Variants in ITGA10 observed in about 807,000 individuals in gnomAD.
ITGA10 encodes integrin subunit alpha 10.
Under a neutral mutation model 145.2 loss-of-function variants are expected in ITGA10, and 105 were observed. The observed-to-expected ratio is 0.72, with a 90% CI of 0.62 to 0.85. The LOEUF (loss-of-function observed/expected upper bound fraction) is 0.85. Among genes scored for constraint, ITGA10 ranks in the 40% least tolerant of loss-of-function variants. ITGA10 has a pLI of 0.00. For synonymous variants in ITGA10, 506 were observed against 557.8 expected, an observed-to-expected ratio of 0.91 and a Z score of 1.31; for missense variants, 1,317 against 1,444.5, an observed-to-expected ratio of 0.91 and a Z score of 1.43.
intron 6 of ITGA10, 91 bp downstream of exon 6, chr1:145,904,593 T>C: frequency 7.1e-7 from 1 of 1,408,038 alleles, no homozygotes; most frequent in South Asian, 1.2e-5. Flanking sequence ...CAGGCTAGTC[T>C]TGAACTCCTG....
In ITGA10 at chr1:145,896,107, G is replaced by A; in HGVS notation, c.2920-11C>T. On this transcript the variant is annotated splice_polypyrimidine_tract_variant and intron_variant, in intron 24 of 29. Transcript: ENST00000369304. Reference sequence around the variant, plus strand: ...GCCTAGGTTCTGAACCTAAGAGGAAGGTTGGGAATAGGAAGAAGTGGGAGA... The same window carrying A: ...GCCTAGGTTCTGAACCTAAGAGGAAAGTTGGGAATAGGAAGAAGTGGGAGA... The A allele has an allele frequency of 6.2e-7, 1 of 1,609,704 alleles. No homozygotes were observed. Among genetic ancestry groups the A allele is most frequent in the Non-Finnish European group, 8.5e-7 (1 of 1,175,934 alleles).
chr1:145,904,232 T>C (rs1338383920), intron 6 of ITGA10, 32 bp from the exon 7 acceptor site: 1 of 1,609,310 alleles, frequency 6.2e-7, no homozygotes, highest in Non-Finnish European at 8.5e-7. Context: ...ATGAAATGTA[T>C]GTATGTGAGA....
chr1:145,900,278 TA>T (rs1656091236), intron 14 of ITGA10, 91 bp from the exon 15 acceptor site: 2 of 1,370,962 alleles, frequency 1.5e-6, no homozygotes, highest in East Asian at 4.9e-5. Flanking sequence ...TTTATTTATT[TA>T]TTTTTGAGAT....
In ITGA10 at chr1:145,907,759, C is replaced by CTTTTTTTT. The variant is rs72047208; in HGVS notation, c.53-302_53-295dup. 12 of 68,448 alleles carry CTTTTTTTT rather than the reference C, an allele frequency of 1.8e-4. 3 individuals carry two copies. Among genetic ancestry groups the CTTTTTTTT allele is most frequent in the Non-Finnish European group, 2.6e-4 (10 of 38,984 alleles). 4.2% of individuals were successfully genotyped at this position (68,448 alleles called of 1,614,324 possible). A position where few individuals can be genotyped will look rare whatever the true frequency, so the allele number is the denominator to read the frequency against. On this transcript the variant is annotated intron_variant, in intron 1 of 29. Transcript: ENST00000369304. ...AGACATGTCTGAAAAGGTCAAGTTACTTTTTTTTTTTTTTTTTTTTTTTTT... is the reference window on the plus strand; with the variant it reads ...AGACATGTCTGAAAAGGTCAAGTTACTTTTTTTTTTTTTTTTTTTTTTTTTTTTTTTTT...
At position 145,901,861 on chromosome 1, in the gene ITGA10, ACT is replaced by A; in HGVS notation, c.1294+14_1294+15del. On this transcript the variant is annotated intron_variant, in intron 11 of 29. Transcript: ENST00000369304. This position sits in a 1 kb window ranked among gnomAD's most constrained non-coding sequence, Gnocchi z 4.3. ...TCCCCTACCCTGTAAGTCCTCTGCAACTCTCTGCTGCTCACCCAGGTAGGCTG... is the reference window on the plus strand; with the variant it reads ...TCCCCTACCCTGTAAGTCCTCTGCAACTCTGCTGCTCACCCAGGTAGGCTG... 1 of 1,613,654 alleles carries A rather than the reference ACT, an allele frequency of 6.2e-7. No individual in the cohort carries two copies. Among genetic ancestry groups the A allele is most frequent in the South Asian group, 1.1e-5 (1 of 91,056 alleles).
rs781869639 is a variant in ITGA10, at chr1:145,895,270, A to G, written c.3228+10T>C. 1.8e-5 allele frequency: 29 copies of G among 1,594,528 alleles called. No individual in the cohort carries two copies. The highest frequency in any genetic ancestry group is 2.4e-5 in the Non-Finnish European group (28 of 1,162,894). On this transcript the variant is annotated intron_variant, in intron 27 of 29. Transcript: ENST00000369304. ...CAGAAGTGGGGAGTACTAGAAAAGG[A>G]AAGGCTTACTCTTCGGAAAAATTCA...
Position 145,901,030 on chromosome 1 carries a change from C to G in ITGA10, c.1588-37G>C, listed in dbSNP as rs781824232. Reference sequence around the variant, plus strand: ...GAGAAGATAGAAGATGCTAATCTGGCAGACCCAACCTCTCAGCAAACCCTC... The same window carrying G: ...GAGAAGATAGAAGATGCTAATCTGGGAGACCCAACCTCTCAGCAAACCCTC... On this transcript the variant is annotated intron_variant, in intron 13 of 29. Coordinates refer to ENST00000369304, the MANE Select transcript of ITGA10 (RefSeq NM_003637.5). The surrounding 1 kb of genome is among the most constrained non-coding windows in gnomAD (Gnocchi z 4.3). 3.1e-6 allele frequency: 5 copies of G among 1,613,324 alleles called. No individual in the cohort carries two copies. In the South Asian group the frequency reaches 5.5e-5, roughly 18 times the overall value.
intron 5 of ITGA10, among the ~76,000 whole-genome samples, chr1:145,905,284 A>ATT (rs1167452480): frequency 1.0e-4 from 15 of 145,528 alleles, no homozygotes; most frequent in African/African-American, 3.7e-4. Context: ...GGTAGAGAAC[A>ATT]TTTTTTTTTT....
chr1:145,897,266 A>G lies in ITGA10; in HGVS notation c.2648T>C (p.Val883Ala), dbSNP rs781959092. ...HARLCSVGHPVFQTGAKVTFL... is the reference protein window; with the variant it reads ...HARLCSVGHPAFQTGAKVTFL... ...ACCCACCTTGGCTCCAGTCTGGAAG[A>G]CAGGATGCCCCACACTGCAGAGCCG... Residue 883 changes from valine to alanine, a missense_variant, in exon 21 of 30, where the codon GTC (valine) becomes GCC (alanine). Physicochemically the swap from Val to Ala is moderately conservative, Grantham distance 64 (BLOSUM62 0). Coordinates refer to ENST00000369304, the MANE Select transcript of ITGA10 (RefSeq NM_003637.5). 1 of 1,614,062 alleles carries G rather than the reference A, an allele frequency of 6.2e-7. No homozygotes were observed. The highest frequency in any genetic ancestry group is 8.5e-7 in the Non-Finnish European group (1 of 1,180,004).
intron 29 of ITGA10, 112 bp downstream of exon 29, chr1:145,893,049 C>T (rs1654912273): frequency 1.1e-6 from 1 of 928,972 alleles, no homozygotes; most frequent in Non-Finnish European, 1.8e-6. Flanking sequence ...CTGGGCATGA[C>T]ATCCACAGCC....
At chr1:145,899,480 A>T (rs1218716565) in intron 15 of ITGA10, 139 bp from the exon 16 acceptor site, 5 of 908,902 alleles carry the variant, frequency 5.5e-6, no homozygotes, top group Non-Finnish European at 8.5e-6. Flanking sequence ...GAACCCTCTG[A>T]CAGAAGTAAG....
rs782504488 is a variant in ITGA10, at chr1:145,899,291, GCCTGTGGGGTCACCT to G, written c.1958_1972del (p.Glu653_Gln657del). ...ACAGTCCCTCTGAACCACACTGATG[GCCTGTGGGGTCACCT>G]CCAGTGATGGGGTCAGATGGACAAT... On this transcript the variant is annotated inframe_deletion, in exon 16 of 30. Transcript: ENST00000369304. The G allele has an allele frequency of 1.2e-6, 2 of 1,614,214 alleles. No individual in the cohort carries two copies. The highest frequency in any genetic ancestry group is 1.7e-6 in the Non-Finnish European group (2 of 1,180,046).
At chr1:145,899,423 G>A in intron 15 of ITGA10, 82 bp from the exon 16 acceptor site, 2 of 1,485,650 alleles carry the variant, frequency 1.3e-6, no homozygotes, top group Non-Finnish European at 1.8e-6. Flanking sequence ...GCTTCCCCAT[G>A]GTCAAAACAA....
intron 25 of ITGA10, 106 bp from the exon 26 acceptor site, chr1:145,895,817 C>T: frequency 9.0e-7 from 1 of 1,113,896 alleles, no homozygotes; most frequent in Non-Finnish European, 1.3e-6. Context: ...CCTTATAATA[C>T]CTTTTTCTTC....
Position 145,902,885 on chromosome 1 carries a change from A to C in ITGA10, c.835T>G (p.Ser279Ala). The change falls in exon 8 of 30, where the codon TCC (serine) becomes GCC (alanine). Residue 279 changes from serine (S) to alanine (A), a missense_variant. Transcript: ENST00000369304. ...GCAGGAAGCTCCTCTCCATCATGGG[A>C]CTCTCCATCAGTGACAACCACCAGT... ...RLLVVVTDGE[S>A]HDGEELPAAL... The C allele has an allele frequency of 1.9e-6, 3 of 1,613,328 alleles. No individual in the cohort carries two copies. Among genetic ancestry groups the C allele is most frequent in the Non-Finnish European group, 2.5e-6 (3 of 1,179,812 alleles).
chr1:145,895,789 C>A (rs917757916), intron 25 of ITGA10, 78 bp from the exon 26 acceptor site: 5 of 1,316,526 alleles, frequency 3.8e-6, no homozygotes, highest in South Asian at 1.2e-5. Flanking sequence ...AACATACCTA[C>A]ACCCTTGTAG....
Position 145,901,406 on chromosome 1 carries a change from G to C in ITGA10, c.1443+110C>G, listed in dbSNP as rs1039543699. 1 of 1,488,196 alleles carries C rather than the reference G, an allele frequency of 6.7e-7. No homozygotes were observed. Among genetic ancestry groups the C allele is most frequent in the Non-Finnish European group, 9.1e-7 (1 of 1,103,052 alleles). The allele number at this position is 1,488,196 out of a possible 1,614,324, so 92.2% of individuals were successfully genotyped here. A position where few individuals can be genotyped will look rare whatever the true frequency, so the allele number is the denominator to read the frequency against. Reference sequence around the variant, plus strand: ...CATCCCTGACAGACTCTGCCAACCAGAATTCCGCACAGACTTTGGAGGCCT... The same window carrying C: ...CATCCCTGACAGACTCTGCCAACCACAATTCCGCACAGACTTTGGAGGCCT... On this transcript the variant is annotated intron_variant, in intron 12 of 29. Coordinates refer to ENST00000369304, the MANE Select transcript of ITGA10 (RefSeq NM_003637.5). The surrounding 1 kb of genome is among the most constrained non-coding windows in gnomAD (Gnocchi z 4.3).
In ITGA10 at chr1:145,896,876, A is replaced by G. The variant is rs373570468; in HGVS notation, c.2745-18T>C. The G allele has an allele frequency of 2.6e-5, 41 of 1,599,162 alleles. No individual in the cohort carries two copies. The African/African-American group carries it at 5.2e-4, about 20-fold the overall frequency. Reference sequence around the variant, plus strand: ...GGCTGTCACTGTAGGGTCAGAGGGGAGAGGCTCACATCTCAACCCCTCCTC... The same window carrying G: ...GGCTGTCACTGTAGGGTCAGAGGGGGGAGGCTCACATCTCAACCCCTCCTC... On this transcript the variant is annotated intron_variant, in intron 22 of 29. Transcript: ENST00000369304.
intron 6 of ITGA10, 120 bp from the exon 7 acceptor site, chr1:145,904,320 A>G: frequency 5.5e-6 from 5 of 916,166 alleles, no homozygotes; most frequent in Non-Finnish European, 8.6e-6. Context: ...CAACACCTAC[A>G]TTTATCCCCT....
Sources: allele counts gnomAD v4.1 joint callset (sites outside exome capture counted in the v4.1 genomes callset), GRCh38; gene constraint gnomAD v4.1.1; non-coding constraint Gnocchi (gnomAD v3.1); transcripts MANE v1.5; gene names NCBI Gene and HGNC (gene_info 2026-07-23, HGNC 2026-07-21).